The following CCAT2 variants were observed in gnomAD, a reference collection of about 807,000 sequenced individuals.
The protein encoded by CCAT2 is colon cancer associated transcript 2.
At chr8:127,401,731 C>T (rs947870861) in exon 1 of CCAT2, 1 of 152,206 alleles carries the variant, frequency 6.6e-6, no homozygotes, top group Non-Finnish European at 1.5e-5. Flanking sequence ...GAGCCATAAT[C>T]ATCCCTGAGG....
At chr8:127,401,584 G>A (rs2130612602) in exon 1 of CCAT2, 1 of 152,246 alleles carries the variant, frequency 6.6e-6, no homozygotes, top group African/African-American at 2.4e-5. Flanking sequence ...ATGGTTTTAT[G>A]CCATCTATTT....
At chr8:127,400,881 C>G (rs1395530946) in exon 1 of CCAT2, 1 of 152,216 alleles carries the variant, frequency 6.6e-6, no homozygotes, top group African/African-American at 2.4e-5. Context: ...ATTAGAAAAC[C>G]TGATTTCCCT....
chr8:127,400,576 C>A (rs1365301062), exon 1 of CCAT2: 1 of 152,120 alleles, frequency 6.6e-6, no homozygotes, highest in African/African-American at 2.4e-5. Flanking sequence ...GGTATAGACA[C>A]CAAGAGGGAG....
chr8:127,401,282 G>GTGCAACTC (rs1468450586), exon 1 of CCAT2: 1 of 152,214 alleles, frequency 6.6e-6, no homozygotes, highest in Non-Finnish European at 1.5e-5. Flanking sequence ...GGCAATAACT[G>GTGCAACTC]TGCAACTCTG....
At chr8:127,400,729 G>C (rs1167415398) in exon 1 of CCAT2, 2 of 152,194 alleles carry the variant, frequency 1.3e-5, no homozygotes, top group African/African-American at 4.8e-5. Flanking sequence ...CTCGTTCTCT[G>C]CATCTGGGAA....
chr8:127,401,476 C>A (rs780247188), exon 1 of CCAT2: 2 of 152,228 alleles, frequency 1.3e-5, no homozygotes, highest in Non-Finnish European at 2.9e-5. Flanking sequence ...TGACCTACCC[C>A]CAAAATGTAC....
chr8:127,400,620 A>G (rs1303090278), exon 1 of CCAT2: 3 of 152,186 alleles, frequency 2.0e-5, no homozygotes, highest in Admixed American at 6.5e-5. Flanking sequence ...GCTAAGAGGA[A>G]ACCACCTTGG....
chr8:127,400,412 G>A (rs1304755178), exon 1 of CCAT2: 1 of 152,218 alleles, frequency 6.6e-6, no homozygotes, highest in Non-Finnish European at 1.5e-5. Context: ...AGGTGATCAG[G>A]TGGACTTTCC....
exon 1 of CCAT2, chr8:127,402,037 T>A (rs1168388843): frequency 6.6e-6 from 1 of 152,244 alleles, no homozygotes; most frequent in African/African-American, 2.4e-5. Flanking sequence ...GGCTCCTGGC[T>A]CAGCTGGGAC....
chr8:127,401,010 T>G (rs1814932136), exon 1 of CCAT2: 1 of 152,222 alleles, frequency 6.6e-6, no homozygotes, highest in Non-Finnish European at 1.5e-5. Flanking sequence ...CACTAAGAGG[T>G]GTAGCCAGAG....
chr8:127,400,532 T>C (rs1814926475), exon 1 of CCAT2: 1 of 152,160 alleles, frequency 6.6e-6, no homozygotes, highest in Non-Finnish European at 1.5e-5. Flanking sequence ...TGAACACCAA[T>C]TAAATTGCTA....
exon 1 of CCAT2, chr8:127,402,068 C>G (rs1487255950): frequency 6.6e-6 from 1 of 152,202 alleles, no homozygotes; most frequent in Non-Finnish European, 1.5e-5. Flanking sequence ...TTTTGAATGT[C>G]ATTCCCAAGA....
rs570437340 is a variant in CCAT2, at chr8:127,401,145, G to A, written n.747G>A. 5 of 152,350 alleles carry A rather than the reference G, an allele frequency of 3.3e-5. No individual in the cohort carries two copies. In the South Asian group the frequency reaches 1.0e-3, roughly 32 times the overall value. 9.4% of individuals were successfully genotyped at this position (152,350 alleles called of 1,614,324 possible). A position where few individuals can be genotyped will look rare whatever the true frequency, so the allele number is the denominator to read the frequency against. On this transcript the variant is annotated non_coding_transcript_exon_variant, in exon 1 of 1. Transcript: ENST00000630920. ...GGAGGGAGCCGGCCCCAGCTGGAAA[G>A]CTGCTTTCTCTGAATCAAAGGGCAG...
At chr8:127,402,050 C>G (rs1814944131) in exon 1 of CCAT2, 1 of 152,206 alleles carries the variant, frequency 6.6e-6, no homozygotes, top group Non-Finnish European at 1.5e-5. Flanking sequence ...GCTGGGACAG[C>G]TGTAGCTTTT....
exon 1 of CCAT2, chr8:127,401,772 C>G (rs1333284841): frequency 6.6e-6 from 1 of 152,138 alleles, no homozygotes; most frequent in South Asian, 2.1e-4. Context: ...TTATGTGGTC[C>G]CTGAACTTCT....
chr8:127,400,961 T>C (rs1032627092), exon 1 of CCAT2: 1 of 152,246 alleles, frequency 6.6e-6, no homozygotes, highest in African/African-American at 2.4e-5. Context: ...CTCAGCTCCC[T>C]ATCCATAAAA....
exon 1 of CCAT2, chr8:127,401,721 G>A (rs983831187): frequency 2.0e-5 from 3 of 152,160 alleles, no homozygotes; most frequent in Non-Finnish European, 4.4e-5. Context: ...TTAGACTAAA[G>A]AGCCATAATC....
chr8:127,401,364 T>A (rs777801427), exon 1 of CCAT2: 3 of 152,224 alleles, frequency 2.0e-5, no homozygotes, highest in Non-Finnish European at 2.9e-5. Flanking sequence ...TGTTTGGGCC[T>A]GTAGGAAGAG....
exon 1 of CCAT2, chr8:127,401,144 A>G (rs34835043): frequency 0.044 from 6,684 of 152,292 alleles, 154 homozygotes; most frequent in East Asian, 0.062. Flanking sequence ...CCAGCTGGAA[A>G]GCTGCTTTCT....
Sources: gnomAD v4.1 joint callset for allele counts on GRCh38, gnomAD v4.1.1 for gene constraint, MANE v1.5 for transcripts, NCBI Gene and HGNC (gene_info 2026-07-23, HGNC 2026-07-21) for gene names.